Variants in HS3ST3A1 observed in about 807,000 individuals in gnomAD.
HS3ST3A1 encodes the protein heparan sulfate glucosamine 3-O-sulfotransferase 3A1.
In HS3ST3A1, 19 loss-of-function variants were observed where a neutral mutation model predicts 25.7. The observed-to-expected ratio is 0.74, with a 90% CI of 0.52 to 1.08. The LOEUF (loss-of-function observed/expected upper bound fraction) is 1.08. Among genes scored for constraint, HS3ST3A1 ranks in the 50% least tolerant of loss-of-function variants. The probability of loss-of-function intolerance (pLI) is 0.00; values close to 1 mark genes in which losing one functional copy is unlikely to be tolerated. For missense variants in HS3ST3A1, 459 were observed against 594.3 expected (o/e 0.77, Z 2.37); for synonymous variants, 226 against 278.6 (o/e 0.81, Z 1.88).
At chr17:13,594,903 G>GTT (rs1908534148) in intron 1 of HS3ST3A1, among the ~76,000 whole-genome samples, 1 of 151,880 alleles carries the variant, frequency 6.6e-6, no homozygotes, top group Admixed American at 6.6e-5. Flanking sequence ...TCATGATGAG[G>GTT]TTTTTCAAAG....
intron 1 of HS3ST3A1, among the ~76,000 whole-genome samples, chr17:13,515,470 A>ATTTTT (rs1906019272): frequency 1.3e-5 from 1 of 75,542 alleles, no homozygotes; most frequent in African/African-American, 5.9e-5. Flanking sequence ...AGTTTGTTTC[A>ATTTTT]GTTTTTTTTT....
At chr17:13,596,077 T>C (rs568280923) in intron 1 of HS3ST3A1, among the ~76,000 whole-genome samples, 2 of 152,200 alleles carry the variant, frequency 1.3e-5, no homozygotes, top group Non-Finnish European at 2.9e-5. Flanking sequence ...GGCCAGGGTA[T>C]TTTCTTTTTA....
intron 1 of HS3ST3A1, among the ~76,000 whole-genome samples, chr17:13,550,095 C>A (rs1231077612): frequency 6.6e-6 from 1 of 152,168 alleles, no homozygotes; most frequent in Non-Finnish European, 1.5e-5. Flanking sequence ...GTTGTATATG[C>A]AACACCACAC....
chr17:13,503,916 A>G (rs1276306299), intron 1 of HS3ST3A1, among the ~76,000 whole-genome samples: 2 of 152,240 alleles, frequency 1.3e-5, no homozygotes, highest in Non-Finnish European at 2.9e-5. Flanking sequence ...ATGTTCACAG[A>G]CAATCCTAAT....
intron 1 of HS3ST3A1, among the ~76,000 whole-genome samples, chr17:13,543,234 C>T (rs747515581): frequency 4.6e-5 from 7 of 152,084 alleles, no homozygotes; most frequent in Non-Finnish European, 8.8e-5. Context: ...GTATACTAAT[C>T]GCAACAAGCA....
intron 1 of HS3ST3A1, among the ~76,000 whole-genome samples, chr17:13,505,259 A>G (rs1262839434): frequency 1.3e-5 from 2 of 152,208 alleles, no homozygotes; most frequent in African/African-American, 4.8e-5. Context: ...CGACAGAGGG[A>G]AAACATGGGA....
chr17:13,541,372 T>C (rs1262455388), intron 1 of HS3ST3A1, among the ~76,000 whole-genome samples: 1 of 152,210 alleles, frequency 6.6e-6, no homozygotes, highest in Non-Finnish European at 1.5e-5. Context: ...GCTCAAAAGG[T>C]TAGGAATTAA....
chr17:13,509,288 G>A lies in HS3ST3A1; in HGVS notation c.600-12470C>T, dbSNP rs181191520. ...AAATGACATTTTCAGATATGCAATG[G>A]TTTAAAAAACTTAACACCCATGTAA... On this transcript the variant is annotated intron_variant, in intron 1 of 1. Coordinates refer to ENST00000284110, the MANE Select transcript of HS3ST3A1 (RefSeq NM_006042.3). Among the ~76,000 whole-genome samples the A allele has an allele frequency of 1.7e-3, 259 of 152,176 alleles. 1 individual carries two copies. Among genetic ancestry groups the A allele is most frequent in the African/African-American group, 5.9e-3 (247 of 41,530 alleles).
intron 1 of HS3ST3A1, among the ~76,000 whole-genome samples, chr17:13,548,986 C>T (rs964491702): frequency 6.6e-6 from 1 of 152,336 alleles, no homozygotes; most frequent in East Asian, 1.9e-4. Context: ...ACTGGCCACC[C>T]GAGCCCGCAG....
intron 1 of HS3ST3A1, among the ~76,000 whole-genome samples, chr17:13,534,359 A>T (rs974050151): frequency 6.6e-6 from 1 of 151,824 alleles, no homozygotes; most frequent in Admixed American, 6.6e-5. Flanking sequence ...AACAGAGCAG[A>T]CTCTCAACAC....
chr17:13,573,087 C>T (rs987929950), intron 1 of HS3ST3A1, among the ~76,000 whole-genome samples: 8 of 152,144 alleles, frequency 5.3e-5, no homozygotes, highest in Non-Finnish European at 1.2e-4. Flanking sequence ...TCACCCTGAT[C>T]TCCTAGTTGA....
At chr17:13,588,785 G>A (rs939048438) in intron 1 of HS3ST3A1, among the ~76,000 whole-genome samples, 7 of 151,810 alleles carry the variant, frequency 4.6e-5, no homozygotes, top group Non-Finnish European at 7.4e-5. Context: ...CCGGGTTCAC[G>A]GCATTCTCCT....
At chr17:13,546,094 G>C (rs561498502) in intron 1 of HS3ST3A1, among the ~76,000 whole-genome samples, 2 of 151,992 alleles carry the variant, frequency 1.3e-5, no homozygotes, top group African/African-American at 4.8e-5. Flanking sequence ...CCACCTGTCC[G>C]CCCTCTCTGA....
intron 1 of HS3ST3A1, among the ~76,000 whole-genome samples, chr17:13,523,243 A>T (rs866908260): frequency 2.0e-5 from 3 of 152,192 alleles, no homozygotes; most frequent in Non-Finnish European, 4.4e-5. Flanking sequence ...AGAACTGGCC[A>T]TATAGTTGTG....
chr17:13,570,666 G>T (rs532992519), intron 1 of HS3ST3A1, among the ~76,000 whole-genome samples: 2 of 152,192 alleles, frequency 1.3e-5, no homozygotes, highest in South Asian at 4.2e-4. Flanking sequence ...TGTAGAGATG[G>T]GATTTCATCA....
At chr17:13,593,792 T>C (rs542058392) in intron 1 of HS3ST3A1, among the ~76,000 whole-genome samples, 1 of 152,312 alleles carries the variant, frequency 6.6e-6, no homozygotes, top group South Asian at 2.1e-4. Flanking sequence ...CAAATGATCA[T>C]CTTAGGGGAT....
In HS3ST3A1 at chr17:13,534,547, CAA is replaced by C. The variant is rs34383911; in HGVS notation, c.600-37731_600-37730del. Reference sequence around the variant, plus strand: ...GGTGAAACTTCATCTCTACAAAATCCAAAAAAAAAAAAAAAAAAAAAAAAAAA... The same window carrying C: ...GGTGAAACTTCATCTCTACAAAATCCAAAAAAAAAAAAAAAAAAAAAAAAA... On this transcript the variant is annotated intron_variant, in intron 1 of 1. Transcript: ENST00000284110. Among the ~76,000 whole-genome samples, 270 of 32,808 alleles carry C rather than the reference CAA, an allele frequency of 8.2e-3. 1 individual carries two copies. The highest frequency in any genetic ancestry group is 0.06 in the East Asian group (43 of 714). The allele number at this position is 32,808 out of a possible 152,430, so 21.5% of individuals were successfully genotyped here.
intron 1 of HS3ST3A1, among the ~76,000 whole-genome samples, chr17:13,557,802 A>G (rs1479973408): frequency 1.3e-5 from 2 of 152,226 alleles, no homozygotes; most frequent in South Asian, 2.1e-4. Context: ...AAGCTCCACA[A>G]TGTAGGTCAT....
At chr17:13,513,314 A>C (rs915412831) in intron 1 of HS3ST3A1, among the ~76,000 whole-genome samples, 3 of 152,232 alleles carry the variant, frequency 2.0e-5, no homozygotes, top group Admixed American at 6.5e-5. Flanking sequence ...CTTTCAGCAC[A>C]GGAAAACGAA....
Sources: allele counts gnomAD v4.1 joint callset (sites outside exome capture counted in the v4.1 genomes callset), GRCh38; gene constraint gnomAD v4.1.1; transcripts MANE v1.5; gene names NCBI Gene and HGNC (gene_info 2026-07-23, HGNC 2026-07-21).